Variants in TREM1 observed in about 807,000 individuals in gnomAD.
TREM1 encodes the protein triggering receptor expressed on monocytes 1.
In TREM1, 16 loss-of-function variants were observed where a neutral mutation model predicts 22.4. That is an observed-to-expected ratio of 0.71 (90% confidence interval 0.48 to 1.08). The LOEUF (loss-of-function observed/expected upper bound fraction) is 1.08, where lower values mean the gene tolerates loss of function less well. Among genes scored for constraint, TREM1 ranks in the 50% least tolerant of loss-of-function variants. The pLI is 0.00. For synonymous variants in TREM1, 110 were observed against 111.6 expected, an observed-to-expected ratio of 0.99 and a Z score of 0.09; for missense variants, 283 against 282.9, an observed-to-expected ratio of 1.00 and a Z score of 0.00.
Position 41,276,082 on chromosome 6 carries a change from G to C in TREM1, c.*43C>G. 1 of 1,472,736 alleles carries C rather than the reference G, an allele frequency of 6.8e-7. No homozygotes were observed. The highest frequency in any genetic ancestry group is 9.5e-7 in the Non-Finnish European group (1 of 1,051,268). The allele number at this position is 1,472,736 out of a possible 1,614,324, so 91.2% of individuals were successfully genotyped here. A position where few individuals can be genotyped will look rare whatever the true frequency, so the allele number is the denominator to read the frequency against. ...CCTCCCTTGGCACAACTGCCAGATG[G>C]ATGTGGCTGGAAGTCAGAGGACATT... is the stretch of plus-strand genomic sequence containing the variant. On this transcript the variant is annotated 3_prime_UTR_variant, in exon 4 of 4. Transcript: ENST00000244709.
chr6:41,279,529 A>T (rs756794299), intron 3 of TREM1: 71 of 985,082 alleles, frequency 7.2e-5, no homozygotes, highest in Non-Finnish European at 8.4e-5. Flanking sequence ...AAAAAAATTG[A>T]CTCTTAGTAG....
At chr6:41,276,379 T>C (rs767364765) in intron 3 of TREM1, 149 bp from the exon 4 acceptor site, 1 of 652,166 alleles carries the variant, frequency 1.5e-6, no homozygotes, top group Non-Finnish European at 2.7e-6. Flanking sequence ...TGCTTTTCAG[T>C]CTGTCTCATT....
At chr6:41,280,932 C>T in intron 3 of TREM1, 29 bp downstream of exon 3, 1 of 1,614,156 alleles carries the variant, frequency 6.2e-7, no homozygotes, top group Non-Finnish European at 8.5e-7. Context: ...AGTGTCCAAA[C>T]CAGGGGCCCA....
Position 41,281,190 on chromosome 6 carries a change from T to C in TREM1, c.407-37A>G, listed in dbSNP as rs6907697. On this transcript the variant is annotated intron_variant, in intron 2 of 3. Transcript: ENST00000244709. ...CACATTGGATGGATGGATGGACAGATGGATGATGAATGGGTGGATGGGTGG... is the reference window on the plus strand; with the variant it reads ...CACATTGGATGGATGGATGGACAGACGGATGATGAATGGGTGGATGGGTGG... The C allele has an allele frequency of 7.1e-4, 1,142 of 1,601,934 alleles. 5 individuals are homozygous for C. In the African/African-American group the frequency reaches 0.013, roughly 19 times the overall value.
At position 41,282,512 on chromosome 6, in the gene TREM1, G is replaced by A. The variant is rs144672509; in HGVS notation, c.289C>T (p.Arg97Cys). Residue 97 changes from arginine to cysteine, a missense_variant, in exon 2 of 4, where the codon CGC (arginine) becomes TGC (cysteine). Coordinates refer to ENST00000244709, the MANE Select transcript of TREM1 (RefSeq NM_018643.5). ...ACTTGAAGGTTGACCATTCGGACGC[G>A]CAGTAAACCATGATCATGGTAGTCT... Reference protein sequence around the residue: ...LEDYHDHGLLRVRMVNLQVED... With the variant: ...LEDYHDHGLLCVRMVNLQVED... 5.6e-5 allele frequency: 91 copies of A among 1,614,162 alleles called. No homozygotes were observed. In the South Asian group the frequency reaches 5.7e-4, roughly 10 times the overall value.
downstream of TREM1, among the ~76,000 whole-genome samples, chr6:41,267,595 A>T (rs1451428405): frequency 6.6e-6 from 1 of 152,194 alleles, no homozygotes; most frequent in Non-Finnish European, 1.5e-5. Flanking sequence ...AAAGATTAAA[A>T]AAAACACACA....
At chr6:41,283,256 G>C (rs1344534840) in intron 1 of TREM1, among the ~76,000 whole-genome samples, 3 of 152,224 alleles carry the variant, frequency 2.0e-5, no homozygotes, top group Non-Finnish European at 4.4e-5. Flanking sequence ...GCCGTCTGGA[G>C]GGCATGATGG....
downstream of TREM1, among the ~76,000 whole-genome samples, chr6:41,272,065 C>T (rs761787450): frequency 5.9e-5 from 9 of 152,196 alleles, no homozygotes; most frequent in Non-Finnish European, 1.0e-4. Flanking sequence ...GCCCCACATA[C>T]GCGGTCACCA....
Position 41,286,588 on chromosome 6 carries a change from G to C in TREM1, c.49+19C>G. The C allele has an allele frequency of 6.2e-7, 1 of 1,613,704 alleles. No individual in the cohort carries two copies. The highest frequency in any genetic ancestry group is 8.5e-7 in the Non-Finnish European group (1 of 1,179,822). ...CTGGACCAAACGCCTCCCCTGCTCA[G>C]TCCTCTTCCTTGTCTTACCTGAGAC... On this transcript the variant is annotated intron_variant, in intron 1 of 3. Transcript: ENST00000244709.
At chr6:41,283,505 T>C (rs1258100733) in intron 1 of TREM1, among the ~76,000 whole-genome samples, 1 of 151,634 alleles carries the variant, frequency 6.6e-6, no homozygotes, top group Admixed American at 6.6e-5. Flanking sequence ...AGGTCGGGAG[T>C]TCGAGACCAG....
intron 1 of TREM1, 47 bp from the exon 2 acceptor site, chr6:41,282,798 C>G (rs1767992288): frequency 1.3e-6 from 2 of 1,513,178 alleles, no homozygotes; most frequent in African/African-American, 1.4e-5. Flanking sequence ...TTATTTTTCT[C>G]TCTCTGAGTG....
At chr6:41,281,983 G>A (rs1477134780) in intron 2 of TREM1, 1 of 209,658 alleles carries the variant, frequency 4.8e-6, no homozygotes, top group Admixed American at 5.2e-5. Context: ...TACCCATTCA[G>A]TTGGAGTGTG....
downstream of TREM1, among the ~76,000 whole-genome samples, chr6:41,269,637 A>G (rs1767423990): frequency 6.6e-6 from 1 of 152,196 alleles, no homozygotes; most frequent in Admixed American, 6.5e-5. Flanking sequence ...TACCTAGTCC[A>G]ACATCCTTGT....
rs1164254237 is a variant in TREM1 at position 41,267,965 on chromosome 6, AT to A, written c.722del (p.His241LeufsTer?). On this transcript the variant is annotated frameshift_variant, in exon 4 of 4. Coordinates refer to the TREM1 transcript ENST00000589614. LOFTEE classifies it high-confidence loss of function. The stretch of plus-strand genomic sequence containing the variant: ...GCGTAGGTTTTCCTTTATAACATGA[AT>A]GCAAGGATTGAGTTCCAGCCTGGGA... 8.3e-5 allele frequency: 33 copies of A among 398,518 alleles called. No individual in the cohort carries two copies. Among genetic ancestry groups the A allele is most frequent in the African/African-American group, 6.6e-4 (32 of 48,634 alleles). The allele number at this position is 398,518 out of a possible 1,614,324, so 24.7% of individuals were successfully genotyped here.
chr6:41,278,585 A>G (rs1171988400), intron 3 of TREM1, among the ~76,000 whole-genome samples: 1 of 151,378 alleles, frequency 6.6e-6, no homozygotes, highest in Non-Finnish European at 1.5e-5. Flanking sequence ...AGGTGGGAGG[A>G]GGTTGAGGCT....
intron 3 of TREM1, among the ~76,000 whole-genome samples, chr6:41,277,502 C>A (rs1222889255): frequency 6.6e-6 from 1 of 152,198 alleles, no homozygotes; most frequent in South Asian, 2.1e-4. Flanking sequence ...CTTCCGGGCT[C>A]TGCTCACTGC....
In TREM1 at chr6:41,281,103, T is replaced by C. The variant is rs1355925006; in HGVS notation, c.457A>G (p.Lys153Glu). ...GCCTTAGTGGTGGTAGGAGGAATCT[T>C]ATACACATTCTGGGTAGAATTCTCA... ...SNENSTQNVY[K>E]IPPTTTKALC... Residue 153 changes from lysine to glutamate, a missense_variant, in exon 3 of 4, where the codon AAG becomes GAG. Coordinates refer to ENST00000244709, the MANE Select transcript of TREM1 (RefSeq NM_018643.5). The C allele has an allele frequency of 2.5e-6, 4 of 1,614,198 alleles. No individual in the cohort carries two copies. Among genetic ancestry groups the C allele is most frequent in the Non-Finnish European group, 2.5e-6 (3 of 1,180,036 alleles).
downstream of TREM1, among the ~76,000 whole-genome samples, chr6:41,273,230 CT>C (rs1319618486): frequency 2.0e-5 from 3 of 152,234 alleles, no homozygotes; most frequent in Admixed American, 2.0e-4. Flanking sequence ...CATGTCCAGA[CT>C]GTCTCATGTG....
At chr6:41,284,967 C>T (rs1278411386) in intron 1 of TREM1, among the ~76,000 whole-genome samples, 1 of 152,208 alleles carries the variant, frequency 6.6e-6, no homozygotes, top group Non-Finnish European at 1.5e-5. Flanking sequence ...TGAAACCAAG[C>T]CTGGTTCCCT....
Sources: allele counts gnomAD v4.1 joint callset (sites outside exome capture counted in the v4.1 genomes callset), GRCh38; gene constraint gnomAD v4.1.1; transcripts MANE v1.5; gene names NCBI Gene and HGNC (gene_info 2026-07-23, HGNC 2026-07-21).